Variants in SLC44A1 observed in about 807,000 individuals in gnomAD.
SLC44A1 encodes choline transporter-like protein 1.
SLC44A1 carries 26 observed loss-of-function variants against 79.3 expected under a neutral mutation model. That is an observed-to-expected ratio of 0.33 (90% CI 0.24 to 0.46). The LOEUF is 0.46. SLC44A1 is among the 20% of genes least tolerant of loss of function. The pLI is 1.00. For missense variants in SLC44A1, 688 were observed against 798.1 expected, an observed-to-expected ratio of 0.86 and a Z score of 1.66; for synonymous variants, 263 against 286.2, an observed-to-expected ratio of 0.92 and a Z score of 0.82.
Position 105,374,648 on chromosome 9 carries a change from A to C in SLC44A1, c.1545A>C (p.Ala515=), listed in dbSNP as rs1462812788. 1.2e-6 allele frequency: 2 copies of C among 1,613,966 alleles called. No homozygotes were observed. The highest frequency in any genetic ancestry group is 1.7e-6 in the Non-Finnish European group (2 of 1,179,920). The part of the protein sequence containing the change: ...AINSTNFCTS[A]KDAFVILVEN... Reference sequence around the variant, plus strand: ...ACAGCACCAACTTCTGCACCTCAGCAAAGGATGCCTTTGTCATTCTGGTGG... The same window carrying C: ...ACAGCACCAACTTCTGCACCTCAGCCAAGGATGCCTTTGTCATTCTGGTGG... Residue 515 remains alanine (A), a synonymous_variant, in exon 13 of 16, where the codon GCA becomes GCC. Transcript: ENST00000374720.
chr9:105,299,792 G>A (rs1312077651), intron 2 of SLC44A1: 5 of 985,828 alleles, frequency 5.1e-6, no homozygotes, highest in Non-Finnish European at 6.0e-6. Flanking sequence ...CTTTCGATTG[G>A]AGATGAAGGG....
At chr9:105,333,122 A>G (rs1239179925) in intron 3 of SLC44A1, among the ~76,000 whole-genome samples, 1 of 152,230 alleles carries the variant, frequency 6.6e-6, no homozygotes, top group East Asian at 1.9e-4. Flanking sequence ...AGTTAGAAAT[A>G]TAATAGGGAT....
intron 15 of SLC44A1, among the ~76,000 whole-genome samples, chr9:105,410,999 CAGAA>C (rs1397507385): frequency 2.0e-5 from 3 of 152,084 alleles, no homozygotes; most frequent in African/African-American, 4.8e-5. Context: ...TCCATAGAAA[CAGAA>C]AGCACATTCA....
chr9:105,272,778 G>T (rs540107487), intron 1 of SLC44A1, among the ~76,000 whole-genome samples: 12 of 152,102 alleles, frequency 7.9e-5, no homozygotes, highest in Admixed American at 7.9e-4. Flanking sequence ...AATTTGTGTA[G>T]CATTGTCTAG....
At chr9:105,285,862 CAG>C (rs1291916324) in intron 1 of SLC44A1, among the ~76,000 whole-genome samples, 3 of 152,194 alleles carry the variant, frequency 2.0e-5, no homozygotes, top group Non-Finnish European at 2.9e-5. Flanking sequence ...GTGCAGGTCA[CAG>C]GGGATATGAT....
At chr9:105,398,443 T>G (rs893469912), downstream of SLC44A1, among the ~76,000 whole-genome samples, 2 of 152,196 alleles carry the variant, frequency 1.3e-5, no homozygotes, top group Non-Finnish European at 2.9e-5. Context: ...TGGACTGTTC[T>G]TTCTTTTTTT....
chr9:105,435,298 C>T (rs1031868872), intron 15 of SLC44A1, among the ~76,000 whole-genome samples: 1 of 152,134 alleles, frequency 6.6e-6, no homozygotes, highest in Admixed American at 6.5e-5. Context: ...GAAGAGACTA[C>T]CCAAACAGGC....
At chr9:105,284,848 G>A (rs1237782351) in intron 1 of SLC44A1, among the ~76,000 whole-genome samples, 1 of 152,088 alleles carries the variant, frequency 6.6e-6, no homozygotes. Context: ...TATGTTCATA[G>A]AGTTGAATAG....
chr9:105,266,516 G>T lies in SLC44A1; in HGVS notation c.36+21612G>T, dbSNP rs946180725. Among the ~76,000 whole-genome samples, 28 of 152,094 alleles carry T rather than the reference G, an allele frequency of 1.8e-4. 1 individual carries two copies. The highest frequency in any genetic ancestry group is 2.0e-4 in the Admixed American group (3 of 15,266). ...GAGGTACAGGTTGAGTTGGTTTTTT[G>T]TGTGTGTGTATGAATATCCATTTAT... On this transcript the variant is annotated intron_variant, in intron 1 of 15. Coordinates refer to ENST00000374720, the MANE Select transcript of SLC44A1 (RefSeq NM_080546.5).
chr9:105,338,659 C>T (rs557398373), intron 4 of SLC44A1, among the ~76,000 whole-genome samples: 1 of 152,310 alleles, frequency 6.6e-6, no homozygotes, highest in South Asian at 2.1e-4. Flanking sequence ...AGCGATCCTC[C>T]CTCCTCGGCC....
chr9:105,299,334 C>CA, intron 2 of SLC44A1, 25 bp downstream of exon 2: 1 of 1,478,808 alleles, frequency 6.8e-7, no homozygotes, highest in Non-Finnish European at 9.1e-7. Context: ...ACAGATGGTC[C>CA]AAACTGGACT....
chr9:105,415,859 G>A (rs1303351791), intron 15 of SLC44A1, among the ~76,000 whole-genome samples: 1 of 147,610 alleles, frequency 6.8e-6, no homozygotes, highest in African/African-American at 2.5e-5. Flanking sequence ...TTTGAAAAAA[G>A]ATCAACTTTT....
At chr9:105,428,590 C>T (rs933082667) in intron 15 of SLC44A1, among the ~76,000 whole-genome samples, 1 of 152,242 alleles carries the variant, frequency 6.6e-6, no homozygotes, top group African/African-American at 2.4e-5. Context: ...TGGGAGGATT[C>T]CATTATCCTG....
At chr9:105,428,973 G>A (rs1336599660) in intron 15 of SLC44A1, among the ~76,000 whole-genome samples, 2 of 152,176 alleles carry the variant, frequency 1.3e-5, no homozygotes, top group East Asian at 1.9e-4. Flanking sequence ...CAGAGTGCTG[G>A]GATTACAGGC....
chr9:105,361,198 A>C lies in SLC44A1; in HGVS notation c.768A>C (p.Thr256=), dbSNP rs200138044. ...TGGGTCTTTTGTCTCCAGGAGGCACAGGTGTACTATGGTGGCTGTATGCAA... is the reference window on the plus strand; with the variant it reads ...TGGGTCTTTTGTCTCCAGGAGGCACCGGTGTACTATGGTGGCTGTATGCAA... ...ILVILGSLGG[T]GVLWWLYAKQ... is the part of the protein sequence containing the mutation. The change falls in exon 8 of 16, where the codon ACA becomes ACC. Residue 256 remains threonine, a synonymous_variant. Coordinates refer to ENST00000374720, the MANE Select transcript of SLC44A1 (RefSeq NM_080546.5). 1.2e-6 allele frequency: 2 copies of C among 1,613,926 alleles called. No individual in the cohort carries two copies. The highest frequency in any genetic ancestry group is 4.5e-5 in the East Asian group (2 of 44,896).
chr9:105,282,292 A>T (rs1239248890), intron 1 of SLC44A1, among the ~76,000 whole-genome samples: 1 of 151,428 alleles, frequency 6.6e-6, no homozygotes, highest in Non-Finnish European at 1.5e-5. Flanking sequence ...AGAGCTATTA[A>T]TTTGATGGTT....
intron 1 of SLC44A1, among the ~76,000 whole-genome samples, chr9:105,249,264 G>A (rs327955): frequency 0.22 from 33,652 of 152,126 alleles, 6,835 homozygotes; most frequent in African/African-American, 0.54. Context: ...ACCATCATCT[G>A]TATCAGCTTT....
intron 3 of SLC44A1, among the ~76,000 whole-genome samples, chr9:105,330,765 A>G (rs1213827591): frequency 6.6e-6 from 1 of 152,162 alleles, no homozygotes; most frequent in Non-Finnish European, 1.5e-5. Context: ...TTAAAAATAA[A>G]CCTTTTCCTC....
chr9:105,405,082 G>A (rs1829011312), intron 15 of SLC44A1, among the ~76,000 whole-genome samples: 1 of 150,842 alleles, frequency 6.6e-6, no homozygotes. Context: ...GACTTTGGGA[G>A]GCCAAGGCGG....
Sources: gnomAD v4.1 joint callset for allele counts (sites outside exome capture counted in the v4.1 genomes callset) on GRCh38, gnomAD v4.1.1 for gene constraint, MANE v1.5 for transcripts, NCBI Gene and HGNC (gene_info 2026-07-23, HGNC 2026-07-21) for gene names.